The following DOCK8 variants were observed in gnomAD, a reference collection of about 807,000 sequenced individuals.
DOCK8 encodes the protein dedicator of cytokinesis 8.
Under a neutral mutation model 245.6 loss-of-function variants are expected in DOCK8, and 141 were observed. The observed-to-expected ratio is 0.57, with a 90% CI of 0.50 to 0.66. DOCK8 has a LOEUF of 0.66. Ranked by LOEUF, DOCK8 falls within the 30% of genes least tolerant of loss-of-function variation. The probability of loss-of-function intolerance (pLI) is 0.00; values close to 1 mark genes in which losing one functional copy is unlikely to be tolerated. For synonymous variants in DOCK8, 1,168 were observed against 970.2 expected (o/e 1.20, Z -3.79); for missense variants, 2,965 against 2,603.4 (o/e 1.14, Z -3.02).
chr9:213,384 C>T (rs1455630621), upstream of DOCK8: 1 of 151,844 alleles, frequency 6.6e-6, no homozygotes, highest in Non-Finnish European at 1.5e-5. Context: ...TGGCACTGTC[C>T]AATAGGAATA....
At chr9:304,732 C>G in intron 5 of DOCK8, 28 bp downstream of exon 5, 2 of 1,613,978 alleles carry the variant, frequency 1.2e-6, no homozygotes, top group Non-Finnish European at 1.7e-6. Context: ...ACATGGTTAC[C>G]AGGTTACTGG....
chr9:214,846 GAA>G, upstream of DOCK8: 1 of 1,601,824 alleles, frequency 6.2e-7, no homozygotes, highest in Non-Finnish European at 8.5e-7. Context: ...TGGAAATGCG[GAA>G]GTTTCCAGCG....
chr9:340,441 C>T, intron 14 of DOCK8, 120 bp downstream of exon 14: 3 of 1,279,284 alleles, frequency 2.3e-6, no homozygotes, highest in Non-Finnish European at 3.3e-6. Context: ...GGCAACATGG[C>T]AAAACCGTGT....
intron 44 of DOCK8, among the ~76,000 whole-genome samples, chr9:447,593 T>C (rs1006392072): frequency 1.3e-5 from 2 of 152,312 alleles, no homozygotes; most frequent in Middle Eastern, 3.4e-3. Context: ...TAATATCTTG[T>C]CCAACCATTT....
At chr9:335,050 C>G (rs2051244780) in intron 11 of DOCK8, among the ~76,000 whole-genome samples, 1 of 152,016 alleles carries the variant, frequency 6.6e-6, no homozygotes, top group Non-Finnish European at 1.5e-5. Context: ...CCTCTGCACT[C>G]CAGCCTGGGC....
At chr9:421,951 G>C in intron 32 of DOCK8, 97 bp from the exon 33 acceptor site, 1 of 1,069,838 alleles carries the variant, frequency 9.3e-7, no homozygotes, top group Non-Finnish European at 1.4e-6. Flanking sequence ...CCGAGAAATG[G>C]TGCTGAGGCT....
intron 14 of DOCK8, among the ~76,000 whole-genome samples, chr9:367,294 G>T (rs1443745043): frequency 6.6e-6 from 1 of 152,082 alleles, no homozygotes; most frequent in Non-Finnish European, 1.5e-5. Flanking sequence ...TAATACTCCT[G>T]TGTCCTAGGC....
chr9:255,548 G>A (rs1318481082), intron 1 of DOCK8, among the ~76,000 whole-genome samples: 2 of 151,422 alleles, frequency 1.3e-5, no homozygotes, highest in Non-Finnish European at 1.5e-5. Context: ...CTTGCCTGTT[G>A]TCCCAGCTAC....
chr9:446,647 C>CTG, intron 44 of DOCK8, 41 bp downstream of exon 44: 1 of 1,592,324 alleles, frequency 6.3e-7, no homozygotes, highest in Non-Finnish European at 8.6e-7. Context: ...GATGAGTGGG[C>CTG]TGGGTGGCCT....
chr9:260,249 C>G (rs1242600945), intron 1 of DOCK8, among the ~76,000 whole-genome samples: 1 of 152,196 alleles, frequency 6.6e-6, no homozygotes, highest in Admixed American at 6.5e-5. Flanking sequence ...ATTTTCAGCT[C>G]ACCAGAAGGT....
At position 420,543 on chromosome 9, in the gene DOCK8, T is replaced by C. The variant is rs771959571; in HGVS notation, c.3983T>C (p.Leu1328Ser). 6.2e-7 allele frequency: 1 copy of C among 1,614,110 alleles called. No homozygotes were observed. The highest frequency in any genetic ancestry group is 1.3e-5 in the African/African-American group (1 of 74,932). The change falls in exon 31 of 48, where the codon TTA becomes TCA. Residue 1328 changes from leucine to serine, a missense_variant. Physicochemically the swap from Leu to Ser is moderately radical, Grantham distance 145 (BLOSUM62 -2). Coordinates refer to ENST00000432829, the MANE Select transcript of DOCK8 (RefSeq NM_203447.4). ...CCATCAACGCAGCTCAACAGGATTTTAGATCTACTTTTCATCTGTGTGTTA... is the reference window on the plus strand; with the variant it reads ...CCATCAACGCAGCTCAACAGGATTTCAGATCTACTTTTCATCTGTGTGTTA... Reference protein sequence around the residue: ...DLPSTQLNRILDLLFICVLCF... With the variant: ...DLPSTQLNRISDLLFICVLCF...
At chr9:300,316 CT>C (rs1038953026) in intron 4 of DOCK8, among the ~76,000 whole-genome samples, 2 of 152,066 alleles carry the variant, frequency 1.3e-5, no homozygotes, top group African/African-American at 4.8e-5. Flanking sequence ...ACATTTCTTA[CT>C]TTATCTATCT....
rs1374581252 is a variant in DOCK8 at position 377,006 on chromosome 9, C to G, written c.2235C>G (p.Leu745=). 1.2e-6 allele frequency: 2 copies of G among 1,613,968 alleles called. No homozygotes were observed. Among genetic ancestry groups the G allele is most frequent in the Non-Finnish European group, 1.7e-6 (2 of 1,180,010 alleles). Residue 745 remains leucine, a synonymous_variant, in exon 20 of 48, where the codon CTC becomes CTG. Transcript: ENST00000432829. ...ACCACCTGGAGAAGTTCTTCACCCT[C>G]TGCCACTCCCTGGAGAGCCAGGTGA... ...QDNHLEKFFT[L]CHSLESQVTF...
chr9:408,050 A>G (rs557737091), intron 28 of DOCK8, among the ~76,000 whole-genome samples: 1 of 152,240 alleles, frequency 6.6e-6, no homozygotes, highest in South Asian at 2.1e-4. Context: ...ATACCAAACC[A>G]TCTCCCTGCA....
intron 6 of DOCK8, among the ~76,000 whole-genome samples, chr9:315,656 C>T (rs1586681204): frequency 3.3e-5 from 5 of 152,000 alleles, no homozygotes; most frequent in Admixed American, 3.3e-4. Flanking sequence ...CAGTATTGAG[C>T]GAGAAAGGTG....
intron 44 of DOCK8, among the ~76,000 whole-genome samples, chr9:449,126 G>C (rs2057353282): frequency 6.6e-6 from 1 of 152,132 alleles, no homozygotes; most frequent in Non-Finnish European, 1.5e-5. Context: ...CGAGGCAGGG[G>C]GATTGCCTAA....
intron 16 of DOCK8, 34 bp downstream of exon 16, chr9:370,334 A>G (rs1245959130): frequency 6.3e-7 from 1 of 1,592,772 alleles, no homozygotes; most frequent in Admixed American, 1.7e-5. Context: ...ATATATGCCA[A>G]GATGGTTTCA....
At chr9:370,065 A>G in intron 15 of DOCK8, 165 bp from the exon 16 acceptor site, 1 of 674,138 alleles carries the variant, frequency 1.5e-6, no homozygotes, top group Non-Finnish European at 2.7e-6. Flanking sequence ...GACCTCCCAG[A>G]GTGCTGAGAT....
intron 1 of DOCK8, among the ~76,000 whole-genome samples, chr9:263,645 G>A (rs600509): frequency 0.53 from 80,054 of 151,960 alleles, 21,399 homozygotes; most frequent in East Asian, 0.79. Flanking sequence ...CTCTGCTGGT[G>A]ATAAATTCTC....
Sources: allele counts gnomAD v4.1 joint callset (sites outside exome capture counted in the v4.1 genomes callset), GRCh38; gene constraint gnomAD v4.1.1; transcripts MANE v1.5; gene names NCBI Gene and HGNC (gene_info 2026-07-23, HGNC 2026-07-21).